The following SPAST variants were observed in gnomAD, a reference collection of about 807,000 sequenced individuals.
The protein encoded by SPAST is spastic paraplegia 4 (autosomal dominant; spastin).
SPAST carries 30 observed loss-of-function variants against 76.6 expected under a neutral mutation model. That is an observed-to-expected ratio of 0.39 (90% confidence interval 0.29 to 0.53). The LOEUF (loss-of-function observed/expected upper bound fraction) is 0.53, where lower values mean the gene tolerates loss of function less well. Ranked by LOEUF, SPAST falls within the 20% of genes least tolerant of loss-of-function variation. SPAST has a pLI of 0.68. For synonymous variants in SPAST, 305 were observed against 281.0 expected, an observed-to-expected ratio of 1.09 and a Z score of -0.86; for missense variants, 717 against 770.5, an observed-to-expected ratio of 0.93 and a Z score of 0.82.
Position 32,154,715 on chromosome 2 carries a change from C to T in SPAST, c.*219C>T, listed in dbSNP as rs1036761303. 3.7e-6 allele frequency: 2 copies of T among 537,364 alleles called. No homozygotes were observed. The highest frequency in any genetic ancestry group is 2.1e-5 in the South Asian group (1 of 48,660). 33.3% of individuals were successfully genotyped at this position (537,364 alleles called of 1,614,324 possible). A position where few individuals can be genotyped will look rare whatever the true frequency, so the allele number is the denominator to read the frequency against. ...TTGTTTAAGGCCTTGCCTTGATGGT[C>T]ACAGTTATCCCAATGGACACTAAGT... On this transcript the variant is annotated 3_prime_UTR_variant, in exon 17 of 17. Coordinates refer to ENST00000315285, the MANE Select transcript of SPAST (RefSeq NM_014946.4).
chr2:32,076,619 G>C (rs1051454765), intron 1 of SPAST, among the ~76,000 whole-genome samples: 25 of 152,074 alleles, frequency 1.6e-4, no homozygotes, highest in African/African-American at 6.0e-4. Context: ...GAATTAATCA[G>C]TGATTATAAT....
At chr2:32,083,889 C>G (rs1358138461) in intron 1 of SPAST, among the ~76,000 whole-genome samples, 1 of 149,326 alleles carries the variant, frequency 6.7e-6, no homozygotes, top group Non-Finnish European at 1.5e-5. Context: ...AGTGATTCTC[C>G]TGCCTCAGCT....
intron 1 of SPAST, among the ~76,000 whole-genome samples, chr2:32,084,386 G>C (rs968785832): frequency 6.7e-6 from 1 of 149,064 alleles, no homozygotes. Context: ...GGATGGTCTC[G>C]ATCTCCTGAC....
chr2:32,076,560 A>C (rs1676969007), intron 1 of SPAST, among the ~76,000 whole-genome samples: 1 of 152,034 alleles, frequency 6.6e-6, no homozygotes, highest in Non-Finnish European at 1.5e-5. Context: ...TTTTTCTCTA[A>C]TGGTGAACTA....
intron 8 of SPAST, 142 bp from the exon 9 acceptor site, chr2:32,128,266 A>G: frequency 1.5e-6 from 1 of 663,606 alleles, no homozygotes; most frequent in South Asian, 1.7e-5. Flanking sequence ...AAGTGCTGGG[A>G]TTACAGGCAT....
chr2:32,156,708 T>A lies in SPAST; in HGVS notation c.*2212T>A, dbSNP rs1360379204. 6.6e-6 allele frequency: 1 copy of A among 152,224 alleles called. No individual in the cohort carries two copies. Among genetic ancestry groups the A allele is most frequent in the Admixed American group, 6.5e-5 (1 of 15,280 alleles). The allele number at this position is 152,224 out of a possible 1,614,324, so 9.4% of individuals were successfully genotyped here. On this transcript the variant is annotated 3_prime_UTR_variant, in exon 17 of 17. Transcript: ENST00000315285. ...TAACTGGCTAATCATATTAAAGGACTATGTGGTTCCAGCTCAACTTTTAAT... is the reference window on the plus strand; with the variant it reads ...TAACTGGCTAATCATATTAAAGGACAATGTGGTTCCAGCTCAACTTTTAAT...
intron 4 of SPAST, among the ~76,000 whole-genome samples, chr2:32,114,280 C>G (rs2148732521): frequency 6.6e-6 from 1 of 152,154 alleles, no homozygotes; most frequent in South Asian, 2.1e-4. Context: ...TCTGGTGGTG[C>G]ACAACTGATG....
chr2:32,121,929 T>C (rs1679034971), intron 7 of SPAST, among the ~76,000 whole-genome samples: 1 of 152,236 alleles, frequency 6.6e-6, no homozygotes, highest in South Asian at 2.1e-4. Flanking sequence ...TATCTGTTTC[T>C]TCAAGATTCC....
At chr2:32,115,914 T>C (rs1256977943) in intron 6 of SPAST, 79 bp downstream of exon 6, 4 of 1,178,970 alleles carry the variant, frequency 3.4e-6, no homozygotes, top group Admixed American at 4.3e-5. Flanking sequence ...AGGAGTGAAA[T>C]AGATAATAAA....
chr2:32,137,094 A>G lies in SPAST; in HGVS notation c.1414-15A>G, dbSNP rs184932905. On this transcript the variant is annotated splice_polypyrimidine_tract_variant and intron_variant, in intron 11 of 16. Coordinates refer to ENST00000315285, the MANE Select transcript of SPAST (RefSeq NM_014946.4). ...ACTTTTCTAAATGAATTGAAAAAAGATTTTTTGCTTGTAGGTACAGTCTGC... is the reference window on the plus strand; with the variant it reads ...ACTTTTCTAAATGAATTGAAAAAAGGTTTTTTGCTTGTAGGTACAGTCTGC... 4.3e-6 allele frequency: 7 copies of G among 1,611,068 alleles called. No homozygotes were observed. In the Admixed American group the frequency reaches 1.2e-4, roughly 27 times the overall value.
chr2:32,144,274 A>G (rs1230107473), intron 14 of SPAST, among the ~76,000 whole-genome samples: 1 of 152,218 alleles, frequency 6.6e-6, no homozygotes, highest in East Asian at 1.9e-4. Context: ...TATCCCATCA[A>G]GAGAGTGTTC....
At chr2:32,110,551 C>G (rs185984444) in intron 4 of SPAST, among the ~76,000 whole-genome samples, 2 of 54,172 alleles carry the variant, frequency 3.7e-5, no homozygotes, top group Admixed American at 1.9e-4. Flanking sequence ...TATATATATA[C>G]TATATAGTGT....
chr2:32,090,967 TAA>T (rs571565626), intron 3 of SPAST, among the ~76,000 whole-genome samples: 198 of 152,252 alleles, frequency 1.3e-3, no homozygotes, highest in African/African-American at 4.7e-3. Flanking sequence ...AGTGATACTT[TAA>T]TTCTGTCATT....
At chr2:32,082,670 T>G (rs1677285372) in intron 1 of SPAST, among the ~76,000 whole-genome samples, 1 of 151,782 alleles carries the variant, frequency 6.6e-6, no homozygotes, top group African/African-American at 2.4e-5. Flanking sequence ...TACTCCAGCC[T>G]GGGCAACAAG....
At chr2:32,112,492 C>T (rs962955778) in intron 4 of SPAST, among the ~76,000 whole-genome samples, 10 of 151,850 alleles carry the variant, frequency 6.6e-5, no homozygotes, top group Non-Finnish European at 5.9e-5. Flanking sequence ...AGATTACAGG[C>T]GCACGCCACC....
chr2:32,104,601 T>A (rs1678249273), intron 4 of SPAST, among the ~76,000 whole-genome samples: 1 of 152,208 alleles, frequency 6.6e-6, no homozygotes, highest in African/African-American at 2.4e-5. Context: ...GGTTGTTCAT[T>A]TCCATGTTCA....
rs1558343157 is a variant in SPAST, at chr2:32,147,202, C to G, written c.1688-16C>G. The G allele has an allele frequency of 6.2e-7, 1 of 1,602,336 alleles. No individual in the cohort carries two copies. Among genetic ancestry groups the G allele is most frequent in the Admixed American group, 1.7e-5 (1 of 59,940 alleles). On this transcript the variant is annotated splice_polypyrimidine_tract_variant and intron_variant, in intron 15 of 16. Coordinates refer to ENST00000315285, the MANE Select transcript of SPAST (RefSeq NM_014946.4). ...AATGTATGTATTTTTAAGTGCCTGA[C>G]TTTTATGTTTTACAGAACTAAAACC... is the stretch of plus-strand genomic sequence containing the variant.
intron 1 of SPAST, among the ~76,000 whole-genome samples, chr2:32,086,544 C>T (rs754970616): frequency 2.7e-5 from 4 of 150,444 alleles, no homozygotes; most frequent in Non-Finnish European, 5.9e-5. Context: ...GGGTGGATCA[C>T]CTGAGTTCAA....
At chr2:32,117,256 A>C (rs1269220729) in intron 7 of SPAST, among the ~76,000 whole-genome samples, 1 of 152,112 alleles carries the variant, frequency 6.6e-6, no homozygotes, top group African/African-American at 2.4e-5. Context: ...CGTCTCAAAA[A>C]AATAAATAAA....
Sources: allele counts gnomAD v4.1 joint callset (sites outside exome capture counted in the v4.1 genomes callset), GRCh38; gene constraint gnomAD v4.1.1; transcripts MANE v1.5; gene names NCBI Gene and HGNC (gene_info 2026-07-23, HGNC 2026-07-21).